The following MAU2 variants were observed in gnomAD, a reference collection of about 807,000 sequenced individuals.
MAU2 encodes the protein MAU2 sister chromatid cohesion factor.
A neutral mutation model predicts 89.1 loss-of-function variants in MAU2; 9 were observed. The observed-to-expected ratio is 0.10, with a 90% CI of 0.06 to 0.18. MAU2 has a LOEUF of 0.18. Ranked by LOEUF, MAU2 falls within the 10% of genes least tolerant of loss-of-function variation. The pLI, the probability that MAU2 is intolerant of heterozygous loss-of-function variation, is 1.00. For synonymous variants in MAU2, 357 were observed against 343.4 expected (o/e 1.04, Z -0.44); for missense variants, 425 against 803.5 (o/e 0.53, Z 5.69).
rs200212304 is a variant in MAU2 at position 19,338,907 on chromosome 19, G to A, written c.519G>A (p.Glu173=). Residue 173 remains glutamate, a synonymous_variant, in exon 5 of 19, where the codon GAG becomes GAA. Coordinates refer to ENST00000262815, the MANE Select transcript of MAU2 (RefSeq NM_015329.4). ...SACDLLGVGA[E]YARVVGSEYT... ...GTGACCTCCTGGGTGTAGGGGCCGAGTACGCCCGGGTGGTGGGATCTGAAT... is the reference window on the plus strand; with the variant it reads ...GTGACCTCCTGGGTGTAGGGGCCGAATACGCCCGGGTGGTGGGATCTGAAT... 6.2e-7 allele frequency: 1 copy of A among 1,613,712 alleles called. No individual in the cohort carries two copies. Among genetic ancestry groups the A allele is most frequent in the East Asian group, 2.2e-5 (1 of 44,856 alleles).
At chr19:19,343,744 G>A (rs1012505184) in intron 9 of MAU2, 93 bp from the exon 10 acceptor site, 13 of 876,780 alleles carry the variant, frequency 1.5e-5, no homozygotes, top group Non-Finnish European at 2.5e-5. Context: ...AGCCAGTGTG[G>A]CAGGAGACAG....
At chr19:19,332,387 C>T (rs115025437) in intron 1 of MAU2, among the ~76,000 whole-genome samples, 1,865 of 148,496 alleles carry the variant, frequency 0.013, 28 homozygotes, top group African/African-American at 0.037. Context: ...TTGCCCAGGC[C>T]GGTCACAAAA....
In MAU2 at chr19:19,348,732, T is replaced by C; in HGVS notation, c.1309-157T>C. On this transcript the variant is annotated intron_variant, in intron 13 of 18. Coordinates refer to ENST00000262815, the MANE Select transcript of MAU2 (RefSeq NM_015329.4). ...GTGGAAATCTTGCCCCCGGCCCTTC[T>C]CACCAGAGGCTGCTCTTGCTGGTCA... 1.0e-5 allele frequency: 8 copies of C among 798,282 alleles called. No individual in the cohort carries two copies. In the South Asian group the frequency reaches 1.1e-4, roughly 11 times the overall value. 49.4% of individuals were successfully genotyped at this position (798,282 alleles called of 1,614,324 possible). A position where few individuals can be genotyped will look rare whatever the true frequency, so the allele number is the denominator to read the frequency against.
At chr19:19,349,561 A>G (rs947041662) in intron 16 of MAU2, 125 bp downstream of exon 16, 1 of 808,244 alleles carries the variant, frequency 1.2e-6, no homozygotes, top group Non-Finnish European at 2.0e-6. Context: ...GAGCACGTCT[A>G]GGTGGATGCC....
intron 9 of MAU2, 101 bp from the exon 10 acceptor site, chr19:19,343,736 C>T (rs2061671504): frequency 1.2e-6 from 1 of 817,778 alleles, no homozygotes. Context: ...GGGTGCCTAG[C>T]CAGTGTGGCA....
At position 19,358,010 on chromosome 19, in the gene MAU2, G is replaced by A. The variant is rs1014341518; in HGVS notation, c.*2228G>A. The A allele has an allele frequency of 1.1e-4, 16 of 151,398 alleles. No homozygotes were observed. Among genetic ancestry groups the A allele is most frequent in the African/African-American group, 3.9e-4 (16 of 41,116 alleles). The allele number at this position is 151,398 out of a possible 1,614,324, so 9.4% of individuals were successfully genotyped here. ...AGGCAGGAGGATCACTTGAGCCCAGGAGATTGAGGCTGCAGTGAGCATGAT... is the reference window on the plus strand; with the variant it reads ...AGGCAGGAGGATCACTTGAGCCCAGAAGATTGAGGCTGCAGTGAGCATGAT... On this transcript the variant is annotated 3_prime_UTR_variant, in exon 19 of 19. Coordinates refer to ENST00000262815, the MANE Select transcript of MAU2 (RefSeq NM_015329.4).
intron 10 of MAU2, chr19:19,344,516 T>G: frequency 2.5e-6 from 1 of 394,764 alleles, no homozygotes; most frequent in Non-Finnish European, 4.7e-6. Flanking sequence ...TTGACAGTGA[T>G]TGTTATACCC....
At chr19:19,349,287 C>T (rs1301414788) in intron 15 of MAU2, 38 bp from the exon 16 acceptor site, 9 of 1,613,532 alleles carry the variant, frequency 5.6e-6, no homozygotes, top group South Asian at 1.1e-5. Flanking sequence ...GCCCAGGCCC[C>T]GTCCTGCAGT....
chr19:19,346,948 G>A (rs1476034643), intron 12 of MAU2: 2 of 254,632 alleles, frequency 7.9e-6, no homozygotes, highest in African/African-American at 2.2e-5. Context: ...CAGGTTGCTG[G>A]CTGTGGCCTG....
At chr19:19,321,984 C>T (rs1282138204) in intron 1 of MAU2, 1 of 150,602 alleles carries the variant, frequency 6.6e-6, no homozygotes, top group Non-Finnish European at 1.5e-5. Context: ...TCATTCTGCC[C>T]TTTAGTAAAC....
At chr19:19,321,242 G>A in intron 1 of MAU2, 107 bp downstream of exon 1, 1 of 1,297,650 alleles carries the variant, frequency 7.7e-7, no homozygotes, top group Non-Finnish European at 1.0e-6. Flanking sequence ...GCGACCTGGG[G>A]GCGCGACCTC....
rs1007798872 is a variant in MAU2, at chr19:19,335,810, A to C, written c.294+75A>C. 7 of 1,531,258 alleles carry C rather than the reference A, an allele frequency of 4.6e-6. No individual in the cohort carries two copies. In the African/African-American group the frequency reaches 9.6e-5, roughly 21 times the overall value. The allele number at this position is 1,531,258 out of a possible 1,614,324, so 94.9% of individuals were successfully genotyped here. The stretch of plus-strand genomic sequence containing the variant: ...ATAAAAAGAATGTATCAAAGCTTGA[A>C]TCCCACCTCCCGACATGCCCTGTGA... On this transcript the variant is annotated intron_variant, in intron 2 of 18. Coordinates refer to ENST00000262815, the MANE Select transcript of MAU2 (RefSeq NM_015329.4).
chr19:19,347,540 A>C, intron 13 of MAU2, 174 bp downstream of exon 13: 1 of 586,964 alleles, frequency 1.7e-6, no homozygotes. Context: ...GAATCGGGCT[A>C]TGGCCGGGGG....
rs759852846 is a variant in MAU2, at chr19:19,320,845, G to A, written c.-15G>A. On this transcript the variant is annotated 5_prime_UTR_variant, in exon 1 of 19. Coordinates refer to ENST00000262815, the MANE Select transcript of MAU2 (RefSeq NM_015329.4). ...CGCCTCCCTGTGGCGGCGGCTTGTT[G>A]TTGTGGAGGCCAAAATGGCGGCTCA... is the stretch of plus-strand genomic sequence containing the variant. 1.3e-6 allele frequency: 2 copies of A among 1,517,770 alleles called. No individual in the cohort carries two copies. Among genetic ancestry groups the A allele is most frequent in the South Asian group, 1.3e-5 (1 of 76,710 alleles). 94.0% of individuals were successfully genotyped at this position (1,517,770 alleles called of 1,614,324 possible).
In MAU2 at chr19:19,356,292, G is replaced by A. The variant is rs2048177936; in HGVS notation, c.*510G>A. The A allele has an allele frequency of 5.8e-6, 2 of 346,406 alleles. No homozygotes were observed. The highest frequency in any genetic ancestry group is 1.1e-5 in the Non-Finnish European group (2 of 174,164). 21.5% of individuals were successfully genotyped at this position (346,406 alleles called of 1,614,324 possible). On this transcript the variant is annotated 3_prime_UTR_variant, in exon 19 of 19. Coordinates refer to ENST00000262815, the MANE Select transcript of MAU2 (RefSeq NM_015329.4). The stretch of plus-strand genomic sequence containing the variant: ...AGTAATGGCGCTAGTGTGGGACGAA[G>A]CACAGATCCCAGCACTTTTCCCAGC...
At chr19:19,346,952 T>C (rs1434758696) in intron 12 of MAU2, 4 of 258,196 alleles carry the variant, frequency 1.5e-5, no homozygotes, top group African/African-American at 9.0e-5. Context: ...TTGCTGGCTG[T>C]GGCCTGGAGG....
intron 7 of MAU2, 88 bp from the exon 8 acceptor site, chr19:19,342,447 C>G: frequency 2.1e-6 from 3 of 1,440,376 alleles, no homozygotes; most frequent in Non-Finnish European, 2.8e-6. Context: ...CAGATGCTCC[C>G]TAGAGGAAGG....
In MAU2 at chr19:19,355,379, C is replaced by T. The variant is rs764472410; in HGVS notation, c.1755C>T (p.His585=). Residue 585 remains histidine, a synonymous_variant, in exon 18 of 19, where the codon CAC becomes CAT. Coordinates refer to ENST00000262815, the MANE Select transcript of MAU2 (RefSeq NM_015329.4). ...TTGAGGCCTGCAGCCTCCCCGAACA[C>T]AACCTCATCACGGTACGGGTGTGGG... ...DHIEACSLPE[H]NLITWTDGPP... is the part of the protein sequence containing the mutation. The T allele has an allele frequency of 1.5e-5, 25 of 1,613,908 alleles. No homozygotes were observed. Among genetic ancestry groups the T allele is most frequent in the African/African-American group, 2.7e-5 (2 of 74,932 alleles).
chr19:19,345,007 C>T lies in MAU2; in HGVS notation c.1155+81C>T. On this transcript the variant is annotated intron_variant, in intron 11 of 18. Transcript: ENST00000262815. This position sits in a 1 kb window ranked among gnomAD's most constrained non-coding sequence, Gnocchi z 4.9. ...GTACCTAACCAGATCCAGAACATTC[C>T]CAGTGAAGGACCCCCTGACAGCACC... 1 of 1,285,470 alleles carries T rather than the reference C, an allele frequency of 7.8e-7. No individual in the cohort carries two copies. The highest frequency in any genetic ancestry group is 1.1e-6 in the Non-Finnish European group (1 of 897,634). The allele number at this position is 1,285,470 out of a possible 1,614,324, so 79.6% of individuals were successfully genotyped here. A position where few individuals can be genotyped will look rare whatever the true frequency, so the allele number is the denominator to read the frequency against.
Sources: allele counts gnomAD v4.1 joint callset (sites outside exome capture counted in the v4.1 genomes callset), GRCh38; gene constraint gnomAD v4.1.1; non-coding constraint Gnocchi (gnomAD v3.1); transcripts MANE v1.5; gene names NCBI Gene and HGNC (gene_info 2026-07-23, HGNC 2026-07-21).